The following ANKS1A variants were observed in gnomAD, a reference collection of about 807,000 sequenced individuals.
ANKS1A encodes ankyrin repeat and SAM domain-containing protein 1A.
In ANKS1A, 55 loss-of-function variants were observed where a neutral mutation model predicts 120.3. The observed-to-expected ratio is 0.46, with a 90% confidence interval of 0.37 to 0.57. The LOEUF (loss-of-function observed/expected upper bound fraction) is 0.57. Ranked by LOEUF, ANKS1A falls within the 20% of genes least tolerant of loss-of-function variation. The probability of loss-of-function intolerance (pLI) is 0.00; values close to 1 mark genes in which losing one functional copy is unlikely to be tolerated. For synonymous variants in ANKS1A, 590 were observed against 604.7 expected, an observed-to-expected ratio of 0.98 and a Z score of 0.36; for missense variants, 1,123 against 1,480.3, an observed-to-expected ratio of 0.76 and a Z score of 3.96.
intron 1 of ANKS1A, among the ~76,000 whole-genome samples, chr6:34,900,012 G>A (rs1561835971): frequency 6.6e-6 from 1 of 152,254 alleles, no homozygotes; most frequent in Non-Finnish European, 1.5e-5. Flanking sequence ...TTTGGGATGG[G>A]TGGGATGGTT....
Position 35,010,182 on chromosome 6 carries a change from AT to A in ANKS1A, c.1424-7281del, listed in dbSNP as rs542630603. On this transcript the variant is annotated intron_variant, in intron 10 of 23. Coordinates refer to ENST00000360359, the MANE Select transcript of ANKS1A (RefSeq NM_015245.3). ...CCCTATCTCCAAAATAATAATAATA[AT>A]TTTTTTTTTAAAGAGTAGAGCTTAT... 1.5e-3 allele frequency among the ~76,000 whole-genome samples: 229 copies of A among 150,712 alleles called. 1 individual carries two copies. Among genetic ancestry groups the A allele is most frequent in the Admixed American group, 2.3e-3 (34 of 15,088 alleles).
At chr6:35,015,745 GGTT>G (rs1307890983) in intron 10 of ANKS1A, among the ~76,000 whole-genome samples, 2 of 152,222 alleles carry the variant, frequency 1.3e-5, no homozygotes, top group East Asian at 3.8e-4. Context: ...TGTGAGAGCT[GGTT>G]GTTGAGACAT....
At chr6:35,083,866 G>A (rs1777817737) in intron 20 of ANKS1A, among the ~76,000 whole-genome samples, 1 of 152,204 alleles carries the variant, frequency 6.6e-6, no homozygotes, top group Admixed American at 6.5e-5. Context: ...ACCCTGGAAG[G>A]TGGGAGGGGC....
chr6:34,908,903 A>G (rs995523324), intron 1 of ANKS1A, among the ~76,000 whole-genome samples: 2 of 152,206 alleles, frequency 1.3e-5, no homozygotes, highest in African/African-American at 4.8e-5. Context: ...AAAAAAAAGA[A>G]AAATTATTGT....
chr6:35,041,001 CT>C (rs1371007840), intron 11 of ANKS1A, among the ~76,000 whole-genome samples: 1 of 152,228 alleles, frequency 6.6e-6, no homozygotes, highest in Non-Finnish European at 1.5e-5. Flanking sequence ...ACACAATCCC[CT>C]TTTAAGATTT....
In ANKS1A at chr6:35,086,323, C is replaced by T. The variant is rs1407531066; in HGVS notation, c.3303+387C>T. The T allele has an allele frequency of 1.5e-6, 2 of 1,303,910 alleles. No individual in the cohort carries two copies. The allele number at this position is 1,303,910 out of a possible 1,614,324, so 80.8% of individuals were successfully genotyped here. A position where few individuals can be genotyped will look rare whatever the true frequency, so the allele number is the denominator to read the frequency against. On this transcript the variant is annotated intron_variant, in intron 22 of 23. Transcript: ENST00000360359. The surrounding 1 kb of genome is among the most constrained non-coding windows in gnomAD (Gnocchi z 5.1). ...GTTACTGTCACACCTGCACCACCCA[C>T]CGTCCTTCCTACCTACCGCTGCCAT...
At chr6:34,903,900 T>C (rs914265938) in intron 1 of ANKS1A, among the ~76,000 whole-genome samples, 5 of 152,198 alleles carry the variant, frequency 3.3e-5, no homozygotes, top group South Asian at 2.1e-4. Context: ...TATTAGCTCA[T>C]TGTAGCCTTG....
chr6:35,028,568 T>A (rs1774743748), intron 11 of ANKS1A, among the ~76,000 whole-genome samples: 1 of 152,204 alleles, frequency 6.6e-6, no homozygotes, highest in Non-Finnish European at 1.5e-5. Context: ...AAATAAGTCT[T>A]CCAGATTTTC....
rs1019283570 is a variant in ANKS1A, at chr6:35,090,777, G to C, written c.*2168G>C. The C allele has an allele frequency of 4.1e-6, 4 of 985,994 alleles. No homozygotes were observed. The East Asian group carries it at 4.5e-4, about 112-fold the overall frequency. 61.1% of individuals were successfully genotyped at this position (985,994 alleles called of 1,614,324 possible). ...CACCAGGGGCAGACCCTGTCGCTGC[G>C]TTTCTGAACTGTGAAGGAGCCCATT... On this transcript the variant is annotated 3_prime_UTR_variant, in exon 24 of 24. Transcript: ENST00000360359.
At chr6:35,080,664 G>GGT (rs1289672466) in intron 16 of ANKS1A, among the ~76,000 whole-genome samples, 1 of 152,220 alleles carries the variant, frequency 6.6e-6, no homozygotes, top group Non-Finnish European at 1.5e-5. Context: ...TGTTGGGGAC[G>GGT]GTGGCTTTAG....
chr6:35,067,285 G>C (rs1004030062), intron 13 of ANKS1A, among the ~76,000 whole-genome samples: 3 of 152,142 alleles, frequency 2.0e-5, no homozygotes, highest in Non-Finnish European at 4.4e-5. Context: ...CCCTGGGACT[G>C]GGAGGAAACA....
At chr6:34,969,015 G>A (rs912145762) in intron 2 of ANKS1A, among the ~76,000 whole-genome samples, 2 of 152,126 alleles carry the variant, frequency 1.3e-5, no homozygotes, top group African/African-American at 2.4e-5. Flanking sequence ...TATATAGTGG[G>A]GTAATCTGAA....
chr6:34,906,882 T>C (rs1448893890), intron 1 of ANKS1A, among the ~76,000 whole-genome samples: 1 of 152,160 alleles, frequency 6.6e-6, no homozygotes, highest in Non-Finnish European at 1.5e-5. Context: ...GTCCAAATAA[T>C]AGAATATGGA....
intron 23 of ANKS1A, 32 bp downstream of exon 23, chr6:35,087,081 C>A: frequency 6.3e-7 from 1 of 1,591,230 alleles, no homozygotes; most frequent in Non-Finnish European, 8.6e-7. Context: ...AAACAACCCA[C>A]TCCCTGTCTC....
intron 1 of ANKS1A, among the ~76,000 whole-genome samples, chr6:34,951,831 T>C (rs1363220823): frequency 1.3e-5 from 2 of 152,224 alleles, no homozygotes; most frequent in African/African-American, 2.4e-5. Flanking sequence ...CTCAGTTAAC[T>C]ACCTCTACTC....
At chr6:34,991,916 G>T (rs1400040982) in intron 9 of ANKS1A, among the ~76,000 whole-genome samples, 1 of 151,386 alleles carries the variant, frequency 6.6e-6, no homozygotes, top group African/African-American at 2.4e-5. Flanking sequence ...TTGAAAATCA[G>T]TTATTGCCGT....
intron 11 of ANKS1A, among the ~76,000 whole-genome samples, chr6:35,021,812 C>T (rs1007894708): frequency 2.0e-5 from 3 of 151,896 alleles, no homozygotes; most frequent in African/African-American, 7.3e-5. Flanking sequence ...ATGGTGAAAC[C>T]CCCTCTCTAC....
At chr6:34,895,916 A>T (rs543438242) in intron 1 of ANKS1A, among the ~76,000 whole-genome samples, 1 of 149,786 alleles carries the variant, frequency 6.7e-6, no homozygotes, top group African/African-American at 2.5e-5. Flanking sequence ...CAGCCTCCCG[A>T]GTAGCTGGGA....
chr6:34,965,081 G>A (rs1001580189), intron 1 of ANKS1A, among the ~76,000 whole-genome samples: 1 of 152,186 alleles, frequency 6.6e-6, no homozygotes, highest in Non-Finnish European at 1.5e-5. Context: ...CTCTCTATCT[G>A]TGTAGGGTGG....
Sources: gnomAD v4.1 joint callset for allele counts (sites outside exome capture counted in the v4.1 genomes callset) on GRCh38, gnomAD v4.1.1 for gene constraint, Gnocchi (gnomAD v3.1) non-coding constraint, MANE v1.5 for transcripts, NCBI Gene and HGNC (gene_info 2026-07-23, HGNC 2026-07-21) for gene names.